SLC36A1: variants seen among roughly 807,000 people sequenced by gnomAD.
SLC36A1 encodes the protein solute carrier family 36 member 1.
A neutral mutation model predicts 47.5 loss-of-function variants in SLC36A1; 30 were observed. The observed-to-expected ratio is 0.63, with a 90% CI of 0.47 to 0.86. The LOEUF (loss-of-function observed/expected upper bound fraction) is 0.86. SLC36A1 is among the 40% of genes least tolerant of loss of function. The pLI, the probability that SLC36A1 is intolerant of heterozygous loss-of-function variation, is 0.00. For synonymous variants in SLC36A1, 255 were observed against 249.7 expected (o/e 1.02, Z -0.20); for missense variants, 517 against 606.0 (o/e 0.85, Z 1.54).
At chr5:151,426,715 C>T in the SLC36A1 span, among the ~76,000 whole-genome samples, 1 of 152,052 alleles carries the variant, frequency 6.6e-6, no homozygotes, top group Non-Finnish European at 1.5e-5. Flanking sequence ...AGCACAGACC[C>T]TTTATGGGTG....
chr5:151,389,063 C>T, the SLC36A1 span, among the ~76,000 whole-genome samples: 5 of 152,276 alleles, frequency 3.3e-5, no homozygotes, highest in South Asian at 6.2e-4. Context: ...CATATCTCAT[C>T]GCCTACAGGA....
the SLC36A1 span, chr5:151,529,266 T>A: frequency 3.1e-6 from 5 of 1,614,028 alleles, no homozygotes; most frequent in Middle Eastern, 1.6e-4. Context: ...TTCATTGACA[T>A]CAGTGATGTT....
At chr5:151,445,137 T>C (rs935761038), upstream of SLC36A1, among the ~76,000 whole-genome samples, 3 of 151,418 alleles carry the variant, frequency 2.0e-5, no homozygotes, top group African/African-American at 7.4e-5. Flanking sequence ...ACCTAAACTA[T>C]TGAGAGTTTT....
chr5:151,419,312 T>G, the SLC36A1 span, among the ~76,000 whole-genome samples: 1 of 152,236 alleles, frequency 6.6e-6, no homozygotes, highest in African/African-American at 2.4e-5. Context: ...GGAAGGTTGC[T>G]TTCTGTCTTT....
At chr5:151,537,313 A>AAGAG in the SLC36A1 span, among the ~76,000 whole-genome samples, 1,226 of 48,930 alleles carry the variant, frequency 0.025, 22 homozygotes, top group African/African-American at 0.068. Flanking sequence ...AGGGAAGAAA[A>AAGAG]AGAAAGAGAA....
At chr5:151,395,145 C>T in the SLC36A1 span, among the ~76,000 whole-genome samples, 13 of 152,204 alleles carry the variant, frequency 8.5e-5, no homozygotes, top group African/African-American at 2.9e-4. Context: ...CCTTGCACTT[C>T]GATCTCAGAC....
the SLC36A1 span, chr5:151,527,472 A>T: frequency 4.8e-5 from 63 of 1,308,160 alleles, no homozygotes; most frequent in Non-Finnish European, 5.9e-5. Context: ...AAAAATAAGA[A>T]GGAGACACTT....
chr5:151,468,399 TATATA>T (rs990140001), intron 7 of SLC36A1, among the ~76,000 whole-genome samples: 12 of 144,736 alleles, frequency 8.3e-5, no homozygotes, highest in African/African-American at 3.0e-4. Context: ...ACATGCATAA[TATATA>T]TTATATAATG....
the SLC36A1 span, among the ~76,000 whole-genome samples, chr5:151,391,649 A>C: frequency 2.6e-5 from 4 of 152,136 alleles, no homozygotes; most frequent in East Asian, 7.7e-4. Context: ...TTCTGCATCT[A>C]TTGAGATAAT....
chr5:151,521,547 C>T, the SLC36A1 span: 1 of 1,614,216 alleles, frequency 6.2e-7, no homozygotes, highest in African/African-American at 1.3e-5. Flanking sequence ...AGACCAGGAG[C>T]ACATCCACAC....
At chr5:151,394,425 G>A in the SLC36A1 span, among the ~76,000 whole-genome samples, 1 of 152,228 alleles carries the variant, frequency 6.6e-6, no homozygotes, top group Admixed American at 6.5e-5. Flanking sequence ...TCTCCGTCCA[G>A]CTTTGTTCCA....
At chr5:151,469,621 G>A (rs887047996) in intron 7 of SLC36A1, among the ~76,000 whole-genome samples, 3 of 152,088 alleles carry the variant, frequency 2.0e-5, no homozygotes, top group Admixed American at 2.0e-4. Flanking sequence ...TTGCTGAAGA[G>A]TGTGCACTTT....
At chr5:151,464,818 A>G (rs1756098672) in intron 4 of SLC36A1, among the ~76,000 whole-genome samples, 1 of 152,170 alleles carries the variant, frequency 6.6e-6, no homozygotes, top group South Asian at 2.1e-4. Context: ...AGTGGGTACT[A>G]CATTCTAATT....
chr5:151,512,416 A>G, the SLC36A1 span: 1 of 1,614,274 alleles, frequency 6.2e-7, no homozygotes, highest in Non-Finnish European at 8.5e-7. The surrounding 1 kb of genome is among the most constrained non-coding windows in gnomAD (Gnocchi z 4.1). Flanking sequence ...TTCGGGCCTC[A>G]GACCACGGCA....
chr5:151,496,518 A>G (rs1017837784), downstream of SLC36A1, among the ~76,000 whole-genome samples: 1 of 152,172 alleles, frequency 6.6e-6, no homozygotes, highest in Admixed American at 6.5e-5. Context: ...TTTCCTCTGC[A>G]ACTTTGCCAG....
chr5:151,357,624 CA>C, the SLC36A1 span, among the ~76,000 whole-genome samples: 1 of 152,350 alleles, frequency 6.6e-6, no homozygotes, highest in South Asian at 2.1e-4. Flanking sequence ...GATGCCCATT[CA>C]TTTACGTATT....
At chr5:151,504,955 T>C in the SLC36A1 span, 2 of 152,636 alleles carry the variant, frequency 1.3e-5, no homozygotes, top group African/African-American at 4.8e-5. Context: ...ATCACCATTT[T>C]CTCCCCGGTG....
chr5:151,457,878 C>G (rs1268286793), intron 1 of SLC36A1, among the ~76,000 whole-genome samples: 1 of 141,466 alleles, frequency 7.1e-6, no homozygotes, highest in Admixed American at 7.2e-5. Context: ...GATGGAGTTT[C>G]GCTCTTGTCG....
At chr5:151,523,686 C>A in the SLC36A1 span, among the ~76,000 whole-genome samples, 1 of 152,196 alleles carries the variant, frequency 6.6e-6, no homozygotes, top group Non-Finnish European at 1.5e-5. Flanking sequence ...TCTCATCTCT[C>A]CCTAGGCAAT....
Sources: allele counts gnomAD v4.1 joint callset (sites outside exome capture counted in the v4.1 genomes callset), GRCh38; gene constraint gnomAD v4.1.1; non-coding constraint Gnocchi (gnomAD v3.1); transcripts MANE v1.5; gene names NCBI Gene and HGNC (gene_info 2026-07-23, HGNC 2026-07-21).